The following DGKB variants were observed in gnomAD, a reference collection of about 807,000 sequenced individuals.
The protein encoded by DGKB is 90 kDa diacylglycerol kinase.
In DGKB, 67 loss-of-function variants were observed where a neutral mutation model predicts 114.3. That is an observed-to-expected ratio of 0.59 (90% CI 0.48 to 0.72). The LOEUF (loss-of-function observed/expected upper bound fraction) is 0.72, where lower values mean the gene tolerates loss of function less well. Among genes scored for constraint, DGKB ranks in the 30% least tolerant of loss-of-function variants. The pLI is 0.00. For missense variants in DGKB, 907 were observed against 975.2 expected (o/e 0.93, Z 0.93); for synonymous variants, 398 against 323.1 (o/e 1.23, Z -2.49).
intron 2 of DGKB, among the ~76,000 whole-genome samples, chr7:14,801,401 C>G (rs977622827): frequency 1.3e-5 from 2 of 152,132 alleles, no homozygotes; most frequent in South Asian, 4.1e-4. Flanking sequence ...GTCAATTTGA[C>G]TGGGCATGGG....
intron 17 of DGKB, among the ~76,000 whole-genome samples, chr7:14,589,858 T>C (rs1161215663): frequency 6.6e-6 from 1 of 152,112 alleles, no homozygotes; most frequent in Non-Finnish European, 1.5e-5. Flanking sequence ...TTCTTCCTCA[T>C]ACCACTTTTG....
intron 1 of DGKB, among the ~76,000 whole-genome samples, chr7:14,968,043 T>C (rs915179721): frequency 2.6e-5 from 4 of 152,116 alleles, no homozygotes; most frequent in Non-Finnish European, 5.9e-5. Context: ...GTAGAGAAAT[T>C]CAAAACTGAA....
At chr7:14,396,327 G>C (rs1822211880) in intron 21 of DGKB, among the ~76,000 whole-genome samples, 1 of 152,084 alleles carries the variant, frequency 6.6e-6, no homozygotes, top group Non-Finnish European at 1.5e-5. Flanking sequence ...GCCTTGCATA[G>C]TGACTAAATT....
intron 21 of DGKB, among the ~76,000 whole-genome samples, chr7:14,350,889 GT>G (rs1248961702): frequency 1.3e-5 from 2 of 151,994 alleles, no homozygotes; most frequent in African/African-American, 2.4e-5. Context: ...TACTAAGGAT[GT>G]TTCAGAAATC....
intron 25 of DGKB, among the ~76,000 whole-genome samples, chr7:14,156,600 G>A (rs1783063896): frequency 6.6e-6 from 1 of 151,844 alleles, no homozygotes. Context: ...TAACTCTTTG[G>A]CTACACAAAA....
intron 21 of DGKB, among the ~76,000 whole-genome samples, chr7:14,416,047 T>C (rs1022187624): frequency 1.3e-5 from 2 of 152,072 alleles, no homozygotes; most frequent in Admixed American, 6.6e-5. Context: ...TTTCATGTGT[T>C]TTTTGGCTGC....
In DGKB at chr7:14,744,393, G is replaced by T. The variant is rs560258692; in HGVS notation, c.169-8199C>A. 6.0e-4 allele frequency among the ~76,000 whole-genome samples: 92 copies of T among 152,248 alleles called. 2 individuals are homozygous for T. In the South Asian group the frequency reaches 0.018, roughly 31 times the overall value. ...AGCTTGAGTTGCAGAGTCAATAAAA[G>T]CCCCTTGGGAAAACTGGCCTCATAC... On this transcript the variant is annotated intron_variant, in intron 4 of 25. Coordinates refer to ENST00000402815, the MANE Select transcript of DGKB (RefSeq NM_001350709.2).
At chr7:14,645,016 C>G (rs1812644609) in intron 13 of DGKB, among the ~76,000 whole-genome samples, 1 of 152,190 alleles carries the variant, frequency 6.6e-6, no homozygotes, top group Admixed American at 6.5e-5. Flanking sequence ...GACTCCACAA[C>G]TGGCATGAGA....
chr7:14,549,212 G>A (rs1262089406), intron 20 of DGKB, among the ~76,000 whole-genome samples: 2 of 152,102 alleles, frequency 1.3e-5, no homozygotes, highest in East Asian at 1.9e-4. Flanking sequence ...GTCAAGTGCT[G>A]CAAAACACTC....
intron 1 of DGKB, among the ~76,000 whole-genome samples, chr7:14,873,747 C>T (rs1203814417): frequency 6.6e-6 from 1 of 151,788 alleles, no homozygotes. Flanking sequence ...AGCAAAGTTG[C>T]CCTTATATTC....
intron 21 of DGKB, among the ~76,000 whole-genome samples, chr7:14,457,475 TTGCTATATTAAAGCTATTA>T (rs1563223120): frequency 6.6e-6 from 1 of 152,220 alleles, no homozygotes. Context: ...TTGCTATTAA[TTGCTATATTAAAGCTATTA>T]TTTCTAAACT....
chr7:14,313,890 G>A (rs1172628507), intron 23 of DGKB, among the ~76,000 whole-genome samples: 1 of 152,228 alleles, frequency 6.6e-6, no homozygotes, highest in Non-Finnish European at 1.5e-5. Context: ...CTGTCTGACA[G>A]CTTTGAAGAG....
At chr7:14,281,789 A>G (rs1451956766) in intron 23 of DGKB, among the ~76,000 whole-genome samples, 5 of 151,746 alleles carry the variant, frequency 3.3e-5, no homozygotes, top group Non-Finnish European at 7.4e-5. Flanking sequence ...TGAAGGCAGA[A>G]ATAAAGATGT....
At chr7:14,667,133 A>T (rs1818178402) in intron 13 of DGKB, among the ~76,000 whole-genome samples, 1 of 152,074 alleles carries the variant, frequency 6.6e-6, no homozygotes, top group African/African-American at 2.4e-5. Context: ...TAATCTCTGG[A>T]AATGGTGAGC....
chr7:14,820,698 A>G (rs41379551), intron 2 of DGKB, among the ~76,000 whole-genome samples: 27,502 of 152,180 alleles, frequency 0.18, 2,593 homozygotes, highest in South Asian at 0.27. Context: ...TAAGCGTGTT[A>G]TATATGAAAT....
At chr7:14,356,053 G>C (rs867103549) in intron 21 of DGKB, among the ~76,000 whole-genome samples, 4 of 152,146 alleles carry the variant, frequency 2.6e-5, no homozygotes, top group Non-Finnish European at 5.9e-5. Context: ...AGATTTTCTA[G>C]TTTATTTGCA....
At chr7:14,872,117 A>G (rs1006615662) in intron 1 of DGKB, among the ~76,000 whole-genome samples, 2 of 152,206 alleles carry the variant, frequency 1.3e-5, no homozygotes, top group African/African-American at 4.8e-5. Flanking sequence ...TGAAGGATCA[A>G]GCATCATAAG....
At chr7:14,813,958 C>G (rs1254689873) in intron 2 of DGKB, among the ~76,000 whole-genome samples, 1 of 152,130 alleles carries the variant, frequency 6.6e-6, no homozygotes, top group Non-Finnish European at 1.5e-5. Flanking sequence ...CAAATATTTA[C>G]AATGCATTCT....
chr7:14,773,387 A>G (rs1311969413), intron 2 of DGKB, among the ~76,000 whole-genome samples: 2 of 152,156 alleles, frequency 1.3e-5, no homozygotes, highest in South Asian at 2.1e-4. Context: ...AATGTTTAAC[A>G]TGTTTACAAT....
Sources: allele counts gnomAD v4.1 joint callset (sites outside exome capture counted in the v4.1 genomes callset), GRCh38; gene constraint gnomAD v4.1.1; transcripts MANE v1.5; gene names NCBI Gene and HGNC (gene_info 2026-07-23, HGNC 2026-07-21).